Variants in TMEM232 observed in about 807,000 individuals in gnomAD.
The protein encoded by TMEM232 is transmembrane protein 232.
TMEM232 carries 80 observed loss-of-function variants against 78.8 expected under a neutral mutation model. The observed-to-expected ratio is 1.01, with a 90% CI of 0.85 to 1.22. TMEM232 has a LOEUF of 1.22. Among genes scored for constraint, TMEM232 ranks in the 50% most tolerant of loss-of-function variants. The pLI is 0.00. For missense variants in TMEM232, 881 were observed against 742.2 expected, an observed-to-expected ratio of 1.19 and a Z score of -2.17; for synonymous variants, 297 against 254.3, an observed-to-expected ratio of 1.17 and a Z score of -1.60.
intron 11 of TMEM232, among the ~76,000 whole-genome samples, chr5:110,561,927 C>A (rs1399288863): frequency 6.6e-6 from 1 of 152,030 alleles, no homozygotes; most frequent in Non-Finnish European, 1.5e-5. Flanking sequence ...TTTAAAATAT[C>A]TCCTTGTATA....
chr5:110,533,355 A>G (rs974101161), intron 11 of TMEM232, among the ~76,000 whole-genome samples: 2 of 152,264 alleles, frequency 1.3e-5, no homozygotes, highest in Non-Finnish European at 2.9e-5. Context: ...TTACAAAACA[A>G]CAACTCCTTT....
At chr5:110,471,322 C>T (rs1210243031) in intron 12 of TMEM232, among the ~76,000 whole-genome samples, 3 of 152,010 alleles carry the variant, frequency 2.0e-5, no homozygotes, top group African/African-American at 7.2e-5. Context: ...GAGAAAGATG[C>T]AGACAGAAAA....
intron 13 of TMEM232, among the ~76,000 whole-genome samples, chr5:110,422,228 C>T (rs896447588): frequency 9.9e-5 from 15 of 152,056 alleles, no homozygotes; most frequent in Non-Finnish European, 1.3e-4. Context: ...CGATAGATCT[C>T]ATTATTTTGT....
chr5:110,484,112 A>T (rs1452571113), intron 12 of TMEM232, among the ~76,000 whole-genome samples: 6 of 152,208 alleles, frequency 3.9e-5, no homozygotes, highest in African/African-American at 1.4e-4. Context: ...GCTAAACATT[A>T]AGTACACATG....
intron 10 of TMEM232, among the ~76,000 whole-genome samples, chr5:110,603,781 C>G (rs958100058): frequency 6.6e-6 from 1 of 152,004 alleles, no homozygotes; most frequent in African/African-American, 2.4e-5. Context: ...GGGAAAAGGT[C>G]ACACTAATTA....
At chr5:110,450,268 GGACTAATGCAATT>G (rs1173405248) in intron 12 of TMEM232, among the ~76,000 whole-genome samples, 1 of 152,092 alleles carries the variant, frequency 6.6e-6, no homozygotes, top group Admixed American at 6.6e-5. Flanking sequence ...GTGTGAGAAT[GGACTAATGCAATT>G]ATTTTTTAGC....
chr5:110,528,479 T>A (rs961295851), intron 12 of TMEM232, 109 bp downstream of exon 12: 60 of 1,235,302 alleles, frequency 4.9e-5, no homozygotes, highest in Non-Finnish European at 1.3e-5. Context: ...AAAATTTGAA[T>A]TGAAGAAGAG....
intron 11 of TMEM232, among the ~76,000 whole-genome samples, chr5:110,555,891 G>T (rs923547311): frequency 2.0e-5 from 3 of 152,062 alleles, no homozygotes; most frequent in African/African-American, 7.2e-5. Context: ...AGGTATCCTT[G>T]CACGTGAGAT....
chr5:110,620,711 A>G (rs1320641166), intron 7 of TMEM232, among the ~76,000 whole-genome samples: 3 of 147,200 alleles, frequency 2.0e-5, no homozygotes, highest in Non-Finnish European at 4.5e-5. Context: ...TAATAAACCC[A>G]ATATGTCTAA....
intron 12 of TMEM232, among the ~76,000 whole-genome samples, chr5:110,493,689 T>C (rs1264671958): frequency 6.6e-6 from 1 of 152,124 alleles, no homozygotes; most frequent in Non-Finnish European, 1.5e-5. Flanking sequence ...GGCTTAAATA[T>C]GAGCAGCAAA....
chr5:110,677,890 A>G (rs1792223800), intron 1 of TMEM232, among the ~76,000 whole-genome samples: 1 of 152,196 alleles, frequency 6.6e-6, no homozygotes, highest in African/African-American at 2.4e-5. Flanking sequence ...AAATACAGAA[A>G]CAGTGGAGAG....
chr5:110,520,847 G>A (rs779772911), intron 12 of TMEM232, among the ~76,000 whole-genome samples: 3 of 152,190 alleles, frequency 2.0e-5, no homozygotes, highest in Non-Finnish European at 4.4e-5. Context: ...GAACCCAAGA[G>A]GCAGAGGTTG....
intron 2 of TMEM232, among the ~76,000 whole-genome samples, chr5:110,733,769 CAA>C (rs1252059239): frequency 1.3e-5 from 2 of 152,102 alleles, no homozygotes; most frequent in Non-Finnish European, 2.9e-5. Flanking sequence ...ATAACCTGTA[CAA>C]CAAACCCCTG....
chr5:110,407,102 C>T (rs376056339), intron 2 of TMEM232, among the ~76,000 whole-genome samples: 3 of 151,898 alleles, frequency 2.0e-5, no homozygotes, highest in Non-Finnish European at 2.9e-5. Flanking sequence ...CATCAGAAAA[C>T]CAGCAATAAA....
At chr5:110,470,386 G>A (rs1762546005) in intron 12 of TMEM232, among the ~76,000 whole-genome samples, 1 of 151,818 alleles carries the variant, frequency 6.6e-6, no homozygotes, top group African/African-American at 2.4e-5. Context: ...AAGCCCAGGT[G>A]CCACAAAAAG....
chr5:110,726,191 T>C (rs1798141055), intron 1 of TMEM232, among the ~76,000 whole-genome samples: 1 of 150,272 alleles, frequency 6.7e-6, no homozygotes, highest in Non-Finnish European at 1.5e-5. Context: ...GTCTTCATAC[T>C]AAATAAATAA....
chr5:110,473,098 T>TCAAA (rs1762861877), intron 12 of TMEM232, among the ~76,000 whole-genome samples: 2 of 148,048 alleles, frequency 1.4e-5, no homozygotes, highest in African/African-American at 2.5e-5. Flanking sequence ...ATCAAACATA[T>TCAAA]CAAACTAAGA....
intron 13 of TMEM232, among the ~76,000 whole-genome samples, chr5:110,423,776 C>T (rs1756928939): frequency 7.8e-6 from 1 of 127,518 alleles, no homozygotes; most frequent in East Asian, 2.6e-4. Flanking sequence ...GTTATTTATG[C>T]GTGCGTGTGT....
At chr5:110,488,230 T>G (rs1326596152) in intron 12 of TMEM232, among the ~76,000 whole-genome samples, 2 of 152,106 alleles carry the variant, frequency 1.3e-5, no homozygotes, top group Admixed American at 6.6e-5. Context: ...TGAGGTTATA[T>G]GGATTTTCTC....
Sources: gnomAD v4.1 joint callset for allele counts (sites outside exome capture counted in the v4.1 genomes callset) on GRCh38, gnomAD v4.1.1 for gene constraint, MANE v1.5 for transcripts, NCBI Gene and HGNC (gene_info 2026-07-23, HGNC 2026-07-21) for gene names.